VPS13B: variants seen among roughly 807,000 people sequenced by gnomAD.
The protein encoded by VPS13B is vacuolar protein sorting 13 homolog B.
VPS13B carries 285 observed loss-of-function variants against 426.4 expected under a neutral mutation model. That is an observed-to-expected ratio of 0.67 (90% CI 0.61 to 0.74). The LOEUF is 0.74. Among genes scored for constraint, VPS13B ranks in the 30% least tolerant of loss-of-function variants. The pLI is 0.00. For synonymous variants in VPS13B, 1,676 were observed against 1,676.4 expected, an observed-to-expected ratio of 1.00 and a Z score of 0.01; for missense variants, 4,537 against 4,782.6, an observed-to-expected ratio of 0.95 and a Z score of 1.51.
chr8:99,405,238 A>T (rs1815261007), intron 21 of VPS13B, among the ~76,000 whole-genome samples: 1 of 151,784 alleles, frequency 6.6e-6, no homozygotes, highest in South Asian at 2.1e-4. Flanking sequence ...CTACTTAGGT[A>T]TTATATGGGG....
At chr8:99,435,601 A>G (rs1347486150) in intron 22 of VPS13B, among the ~76,000 whole-genome samples, 1 of 152,198 alleles carries the variant, frequency 6.6e-6, no homozygotes, top group Non-Finnish European at 1.5e-5. Context: ...ACTGCCTGAA[A>G]TAACCAAAAA....
intron 23 of VPS13B, among the ~76,000 whole-genome samples, chr8:99,463,498 T>C (rs3134154): frequency 0.27 from 41,224 of 152,034 alleles, 6,401 homozygotes; most frequent in East Asian, 0.44. Context: ...GTATTCCAAA[T>C]GTAGAATTTT....
chr8:99,326,722 A>T (rs1441140019), intron 19 of VPS13B, among the ~76,000 whole-genome samples: 1 of 151,934 alleles, frequency 6.6e-6, no homozygotes, highest in African/African-American at 2.4e-5. Context: ...AATAAATTTC[A>T]TGTATTTGTT....
chr8:99,515,200 G>A (rs1232991607), intron 29 of VPS13B, among the ~76,000 whole-genome samples: 1 of 152,092 alleles, frequency 6.6e-6, no homozygotes, highest in East Asian at 1.9e-4. Flanking sequence ...GGCTTTTTTA[G>A]TTTGTTTATA....
intron 35 of VPS13B, among the ~76,000 whole-genome samples, chr8:99,681,940 CG>C (rs1425552760): frequency 6.6e-6 from 1 of 152,082 alleles, no homozygotes; most frequent in African/African-American, 2.4e-5. Context: ...GAGAAAGGGT[CG>C]TCCAGAAACC....
intron 25 of VPS13B, 85 bp downstream of exon 25, chr8:99,481,887 C>T (rs1333625082): frequency 2.1e-6 from 3 of 1,462,866 alleles, no homozygotes; most frequent in South Asian, 1.2e-5. Context: ...TGAAGATAAC[C>T]TCACTACTGT....
intron 43 of VPS13B, among the ~76,000 whole-genome samples, chr8:99,806,630 G>A (rs1277685100): frequency 1.3e-5 from 2 of 152,142 alleles, no homozygotes; most frequent in Non-Finnish European, 2.9e-5. Flanking sequence ...TAATGAAAAT[G>A]TGTTGGATAA....
intron 33 of VPS13B, among the ~76,000 whole-genome samples, chr8:99,624,321 G>A (rs1828507150): frequency 6.6e-6 from 1 of 151,980 alleles, no homozygotes; most frequent in Non-Finnish European, 1.5e-5. Flanking sequence ...GTAGTTTTTA[G>A]CACTGGATTG....
At position 99,188,657 on chromosome 8, in the gene VPS13B, T is replaced by C. The variant is rs550507872; in HGVS notation, c.2334-4219T>C. Among the ~76,000 whole-genome samples, 77 of 152,350 alleles carry C rather than the reference T, an allele frequency of 5.1e-4. 1 individual carries two copies. Among genetic ancestry groups the C allele is most frequent in the Middle Eastern group, 3.4e-3 (1 of 294 alleles). Reference sequence around the variant, plus strand: ...ATCTTTTTTACAAATTGCCAAATTGTGTTTTACATAGTAACTATACCTCTG... The same window carrying C: ...ATCTTTTTTACAAATTGCCAAATTGCGTTTTACATAGTAACTATACCTCTG... On this transcript the variant is annotated intron_variant, in intron 16 of 61. Transcript: ENST00000357162.
chr8:99,162,315 CATTT>C (rs1811708236), intron 15 of VPS13B, among the ~76,000 whole-genome samples: 1 of 152,152 alleles, frequency 6.6e-6, no homozygotes. Flanking sequence ...GTGTGTTTGG[CATTT>C]TAGTCCATAT....
At chr8:99,741,122 G>C (rs1416466803) in intron 39 of VPS13B, among the ~76,000 whole-genome samples, 6 of 152,190 alleles carry the variant, frequency 3.9e-5, no homozygotes, top group Non-Finnish European at 4.4e-5. Context: ...TAAAGGGATA[G>C]AGGAAGATCT....
intron 23 of VPS13B, among the ~76,000 whole-genome samples, chr8:99,450,262 A>G (rs1254567674): frequency 6.6e-6 from 1 of 152,226 alleles, no homozygotes; most frequent in Admixed American, 6.5e-5. Flanking sequence ...GTTTGGGTGC[A>G]GGAAACAGAA....
intron 47 of VPS13B, 73 bp downstream of exon 47, chr8:99,818,961 GGGGGCGGCGGGGGA>G: frequency 8.7e-7 from 1 of 1,148,214 alleles, no homozygotes; most frequent in Non-Finnish European, 1.3e-6. Context: ...CCTTGCACTG[GGGGGCGGCGGGGGA>G]GGGGTGGGTA....
At chr8:99,790,425 C>A (rs773496172) in intron 43 of VPS13B, among the ~76,000 whole-genome samples, 1 of 151,998 alleles carries the variant, frequency 6.6e-6, no homozygotes, top group Non-Finnish European at 1.5e-5. Flanking sequence ...TTACTTATTG[C>A]GTTTAAATAT....
chr8:99,700,918 T>C (rs948541884), intron 36 of VPS13B, among the ~76,000 whole-genome samples: 1 of 151,932 alleles, frequency 6.6e-6, no homozygotes, highest in African/African-American at 2.4e-5. Flanking sequence ...GGGGGGAAAT[T>C]GGGGATTGGG....
intron 36 of VPS13B, among the ~76,000 whole-genome samples, chr8:99,713,779 G>T (rs986253789): frequency 6.6e-6 from 1 of 152,140 alleles, no homozygotes; most frequent in Non-Finnish European, 1.5e-5. Flanking sequence ...TGCTAGAGAT[G>T]GGGTGGTAAA....
chr8:99,622,326 G>T (rs1203167064), intron 33 of VPS13B, among the ~76,000 whole-genome samples: 2 of 152,162 alleles, frequency 1.3e-5, no homozygotes, highest in Admixed American at 6.5e-5. Context: ...AAGAGCCAAG[G>T]TTTCGCCTCC....
intron 17 of VPS13B, among the ~76,000 whole-genome samples, chr8:99,242,188 G>T (rs1452093233): frequency 6.6e-6 from 1 of 152,028 alleles, no homozygotes; most frequent in East Asian, 1.9e-4. Context: ...TCACCATGTT[G>T]GCCAGGGTGG....
At chr8:99,801,586 A>T (rs971819003) in intron 43 of VPS13B, among the ~76,000 whole-genome samples, 1 of 152,114 alleles carries the variant, frequency 6.6e-6, no homozygotes, top group Non-Finnish European at 1.5e-5. Context: ...TTCTATTTCA[A>T]CATGTCTTTC....
Sources: allele counts gnomAD v4.1 joint callset (sites outside exome capture counted in the v4.1 genomes callset), GRCh38; gene constraint gnomAD v4.1.1; transcripts MANE v1.5; gene names NCBI Gene and HGNC (gene_info 2026-07-23, HGNC 2026-07-21).